ERMAP: variants seen among roughly 807,000 people sequenced by gnomAD.
ERMAP encodes the protein erythroblast membrane associated protein (Scianna blood group).
In ERMAP, 34 loss-of-function variants were observed where a neutral mutation model predicts 49.5. That is an observed-to-expected ratio of 0.69 (90% confidence interval 0.52 to 0.91). ERMAP has a LOEUF of 0.91. Ranked by LOEUF, ERMAP falls within the 40% of genes least tolerant of loss-of-function variation. The probability of loss-of-function intolerance (pLI) is 0.00; values close to 1 mark genes in which losing one functional copy is unlikely to be tolerated. For synonymous variants in ERMAP, 214 were observed against 232.2 expected, an observed-to-expected ratio of 0.92 and a Z score of 0.71; for missense variants, 541 against 582.6, an observed-to-expected ratio of 0.93 and a Z score of 0.74.
chr1:42,824,917 AG>A (rs1161194290), intron 1 of ERMAP, among the ~76,000 whole-genome samples: 3 of 152,226 alleles, frequency 2.0e-5, no homozygotes, highest in Non-Finnish European at 4.4e-5. Context: ...ACATGCTAGC[AG>A]CTTGCCTGCA....
chr1:42,829,604 G>A (rs1654654200), intron 2 of ERMAP, among the ~76,000 whole-genome samples: 1 of 152,134 alleles, frequency 6.6e-6, no homozygotes, highest in Non-Finnish European at 1.5e-5. Flanking sequence ...TGTGATTCAT[G>A]CACACGGTCA....
chr1:42,824,755 G>C (rs1654494759), intron 1 of ERMAP: 1 of 152,270 alleles, frequency 6.6e-6, no homozygotes, highest in Non-Finnish European at 1.5e-5. Flanking sequence ...AGCTGAAGGT[G>C]CAAGCCTGGA....
intron 4 of ERMAP, among the ~76,000 whole-genome samples, chr1:42,832,026 G>C (rs1654755798): frequency 6.6e-6 from 1 of 152,140 alleles, no homozygotes; most frequent in Non-Finnish European, 1.5e-5. Flanking sequence ...GCATTTGCTT[G>C]AATGACACTG....
At position 42,817,206 on chromosome 1, in the gene ERMAP, A is replaced by G; in HGVS notation, c.-169A>G. 1.6e-6 allele frequency: 2 copies of G among 1,256,028 alleles called. No homozygotes were observed. Among genetic ancestry groups the G allele is most frequent in the Non-Finnish European group, 2.1e-6 (2 of 974,024 alleles). 77.8% of individuals were successfully genotyped at this position (1,256,028 alleles called of 1,614,324 possible). A position where few individuals can be genotyped will look rare whatever the true frequency, so the allele number is the denominator to read the frequency against. Reference sequence around the variant, plus strand: ...AGTCTGTACCTTTCCCGACCGGGCCACTGGAAGTTGGAGCCTCCGCCGAGT... The same window carrying G: ...AGTCTGTACCTTTCCCGACCGGGCCGCTGGAAGTTGGAGCCTCCGCCGAGT... On this transcript the variant is annotated 5_prime_UTR_variant, in exon 1 of 12. Transcript: ENST00000372517.
rs1472160693 is a variant in ERMAP, at chr1:42,844,185, A to G, written c.*953A>G. On this transcript the variant is annotated 3_prime_UTR_variant, in exon 12 of 12. Coordinates refer to ENST00000372517, the MANE Select transcript of ERMAP (RefSeq NM_001017922.2). This position sits in a 1 kb window ranked among gnomAD's most constrained non-coding sequence, Gnocchi z 4.0. ...GCAATACTTGAGTATTTGTGTAGCA[A>G]ACAGCCTCTTAGGTTGGAGAGTATT... The G allele has an allele frequency of 5.0e-6, 2 of 398,494 alleles. No individual in the cohort carries two copies. The highest frequency in any genetic ancestry group is 4.1e-5 in the African/African-American group (2 of 48,638). The allele number at this position is 398,494 out of a possible 1,614,324, so 24.7% of individuals were successfully genotyped here.
intron 1 of ERMAP, 59 bp downstream of exon 1, chr1:42,817,312 C>T (rs1331893378): frequency 1.2e-5 from 14 of 1,167,152 alleles, no homozygotes; most frequent in Admixed American, 5.7e-5. Flanking sequence ...CGCCCCTCGT[C>T]CTGGGCGGGG....
chr1:42,840,430 T>C (rs1293310904), intron 11 of ERMAP, 134 bp downstream of exon 11: 6 of 1,021,388 alleles, frequency 5.9e-6, no homozygotes, highest in Non-Finnish European at 8.7e-6. Context: ...TATATCTGAC[T>C]ATCAAATTAA....
At chr1:42,841,137 A>G (rs1326167469) in intron 11 of ERMAP, among the ~76,000 whole-genome samples, 3 of 152,162 alleles carry the variant, frequency 2.0e-5, no homozygotes, top group African/African-American at 7.2e-5. Flanking sequence ...GAGTACAACA[A>G]ATTATGAGTT....
chr1:42,826,155 A>G (rs1210744956), intron 2 of ERMAP, among the ~76,000 whole-genome samples: 3 of 152,244 alleles, frequency 2.0e-5, no homozygotes, highest in Non-Finnish European at 2.9e-5. Flanking sequence ...TAAAATGTAA[A>G]TAACTGCCAT....
At chr1:42,842,452 A>C in intron 11 of ERMAP, 65 bp from the exon 12 acceptor site, 1 of 1,454,068 alleles carries the variant, frequency 6.9e-7, no homozygotes, top group Non-Finnish European at 9.3e-7. Flanking sequence ...TTTTCCCTCC[A>C]AAGCCATCCC....
At chr1:42,839,194 C>G (rs1466724132) in intron 8 of ERMAP, 1 of 553,096 alleles carries the variant, frequency 1.8e-6, no homozygotes, top group Admixed American at 3.0e-5. Context: ...CTGGAAGTCC[C>G]TTTTATCACC....
intron 2 of ERMAP, among the ~76,000 whole-genome samples, chr1:42,827,295 A>T (rs1654582808): frequency 6.6e-6 from 1 of 152,128 alleles, no homozygotes; most frequent in African/African-American, 2.4e-5. Context: ...TCAGCCTCCC[A>T]AGTAGCTGGG....
intron 1 of ERMAP, chr1:42,824,396 G>A (rs1171508636): frequency 6.6e-6 from 1 of 151,540 alleles, no homozygotes; most frequent in African/African-American, 2.4e-5. Flanking sequence ...AAAAGCTAAA[G>A]CCCAGAAACA....
intron 6 of ERMAP, among the ~76,000 whole-genome samples, chr1:42,836,387 G>A (rs1422241939): frequency 6.6e-6 from 1 of 152,152 alleles, no homozygotes; most frequent in Non-Finnish European, 1.5e-5. Flanking sequence ...GGGGAAAGCA[G>A]CACTCACTGG....
At position 42,843,581 on chromosome 1, in the gene ERMAP, C is replaced by A. The variant is rs954151641; in HGVS notation, c.*349C>A. The stretch of plus-strand genomic sequence containing the variant: ...TAGAAGACACTTTCTCTGCCTCATC[C>A]TGCCCTCAAGCTTTAGTCAAGAAGT... On this transcript the variant is annotated 3_prime_UTR_variant, in exon 12 of 12. Transcript: ENST00000372517. The A allele has an allele frequency of 1.2e-4, 24 of 202,150 alleles. No individual in the cohort carries two copies. Among genetic ancestry groups the A allele is most frequent in the African/African-American group, 5.3e-4 (23 of 43,414 alleles). The allele number at this position is 202,150 out of a possible 1,614,324, so 12.5% of individuals were successfully genotyped here.
rs1220676922 is a variant in ERMAP, at chr1:42,830,889, A to C, written c.207A>C (p.Pro69=). The change falls in exon 4 of 12, where the codon CCA becomes CCC. Residue 69 remains proline, a synonymous_variant. Coordinates refer to ENST00000372517, the MANE Select transcript of ERMAP (RefSeq NM_001017922.2). The part of the protein sequence containing the change: ...VPKEVRWLRS[P]FPQRSQAVHI... ...AGGAGGTGAGGTGGCTGCGGTCCCC[A>C]TTCCCGCAGCGCTCCCAGGCTGTTC... The C allele has an allele frequency of 8.1e-6, 13 of 1,613,696 alleles. No individual in the cohort carries two copies. The highest frequency in any genetic ancestry group is 1.0e-5 in the Non-Finnish European group (12 of 1,179,858).
At chr1:42,823,489 G>T (rs1039408003) in intron 1 of ERMAP, among the ~76,000 whole-genome samples, 6 of 152,210 alleles carry the variant, frequency 3.9e-5, no homozygotes, top group African/African-American at 1.2e-4. Context: ...AAGATTGAAT[G>T]TTCTCATTGA....
intron 8 of ERMAP, 179 bp from the exon 9 acceptor site, chr1:42,839,854 G>C (rs1439709007): frequency 7.7e-6 from 5 of 649,526 alleles, no homozygotes; most frequent in African/African-American, 1.8e-5. Context: ...AGTATCTCTG[G>C]GGATACTCCC....
chr1:42,834,915 C>G (rs34857253), intron 4 of ERMAP, 123 bp from the exon 5 acceptor site: 2 of 678,926 alleles, frequency 2.9e-6, no homozygotes, highest in Non-Finnish European at 5.4e-6. Flanking sequence ...GCCTCTTGGC[C>G]GGAGCTCTCT....
Sources: gnomAD v4.1 joint callset for allele counts (sites outside exome capture counted in the v4.1 genomes callset) on GRCh38, gnomAD v4.1.1 for gene constraint, Gnocchi (gnomAD v3.1) non-coding constraint, MANE v1.5 for transcripts, NCBI Gene and HGNC (gene_info 2026-07-23, HGNC 2026-07-21) for gene names.